HDLBP: variants seen among roughly 807,000 people sequenced by gnomAD.
HDLBP encodes the protein vigilin.
In HDLBP, 30 loss-of-function variants were observed where a neutral mutation model predicts 137.3. The observed-to-expected ratio is 0.22, with a 90% CI of 0.16 to 0.30. The LOEUF (loss-of-function observed/expected upper bound fraction) is 0.30, where lower values mean the gene tolerates loss of function less well. Among genes scored for constraint, HDLBP ranks in the 10% least tolerant of loss-of-function variants. The pLI is 1.00. For missense variants in HDLBP, 1,119 were observed against 1,667.3 expected (o/e 0.67, Z 5.73); for synonymous variants, 606 against 596.0 (o/e 1.02, Z -0.24).
At position 241,292,996 on chromosome 2, in the gene HDLBP, C is replaced by T. The variant is rs192460964; in HGVS notation, c.-103+22574G>A. Among the ~76,000 whole-genome samples the T allele has an allele frequency of 3.7e-4, 56 of 151,796 alleles. No individual in the cohort carries two copies. The East Asian group carries it at 4.7e-3, about 13-fold the overall frequency. On this transcript the variant is annotated intron_variant, in intron 1 of 27. Coordinates refer to ENST00000310931, the MANE Select transcript of HDLBP (RefSeq NM_005336.6). ...CTGCAGTGAGCTGTGCCACTGCACTCGGCCTGGGCAACAAAGCGAGACCCC... is the reference window on the plus strand; with the variant it reads ...CTGCAGTGAGCTGTGCCACTGCACTTGGCCTGGGCAACAAAGCGAGACCCC...
At chr2:241,254,913 C>T in intron 9 of HDLBP, 138 bp downstream of exon 9, 1 of 710,782 alleles carries the variant, frequency 1.4e-6, no homozygotes, top group African/African-American at 1.8e-5. Context: ...TTGACCATGT[C>T]AAACAGGCCA....
chr2:241,313,220 C>T (rs1559563922), intron 1 of HDLBP, among the ~76,000 whole-genome samples: 1 of 152,174 alleles, frequency 6.6e-6, no homozygotes, highest in Non-Finnish European at 1.5e-5. Flanking sequence ...TACTCTTCTA[C>T]AAATAAGTCT....
intron 1 of HDLBP, among the ~76,000 whole-genome samples, chr2:241,307,444 G>T (rs1199473814): frequency 6.6e-6 from 1 of 152,168 alleles, no homozygotes; most frequent in Non-Finnish European, 1.5e-5. Flanking sequence ...ATGGGTAGGG[G>T]CTACACGAAT....
At position 241,272,531 on chromosome 2, in the gene HDLBP, G is replaced by C. The variant is rs1373052064; in HGVS notation, c.-102-3990C>G. The C allele has an allele frequency of 1.0e-5, 10 of 984,594 alleles. No individual in the cohort carries two copies. Among genetic ancestry groups the C allele is most frequent in the Non-Finnish European group, 1.2e-5 (10 of 829,672 alleles). 61.0% of individuals were successfully genotyped at this position (984,594 alleles called of 1,614,324 possible). A position where few individuals can be genotyped will look rare whatever the true frequency, so the allele number is the denominator to read the frequency against. ...CCCCTCCGCGCCACGGCCACGCGCA[G>C]AAGAGACTCGGAGCCGGCCCCAGGT... is the stretch of plus-strand genomic sequence containing the variant. On this transcript the variant is annotated intron_variant, in intron 1 of 27. Coordinates refer to ENST00000310931, the MANE Select transcript of HDLBP (RefSeq NM_005336.6). This position sits in a 1 kb window ranked among gnomAD's most constrained non-coding sequence, Gnocchi z 5.6.
At chr2:241,312,904 C>CA (rs1400494956) in intron 1 of HDLBP, among the ~76,000 whole-genome samples, 1 of 152,198 alleles carries the variant, frequency 6.6e-6, no homozygotes, top group African/African-American at 2.4e-5. Context: ...AGATAAAACT[C>CA]ACTGAAGGGC....
At chr2:241,310,363 C>T (rs537109692) in intron 1 of HDLBP, among the ~76,000 whole-genome samples, 65 of 152,126 alleles carry the variant, frequency 4.3e-4, no homozygotes, top group African/African-American at 1.3e-3. Context: ...TTGTACAGCA[C>T]GGTGAATATA....
chr2:241,280,150 G>C, intron 1 of HDLBP: 1 of 980,552 alleles, frequency 1.0e-6, no homozygotes, highest in Non-Finnish European at 1.2e-6. Context: ...TGAGTGTGGT[G>C]GTCAAAGTCA....
intron 1 of HDLBP, among the ~76,000 whole-genome samples, chr2:241,295,270 C>T (rs919793459): frequency 2.6e-4 from 40 of 152,040 alleles, no homozygotes; most frequent in African/African-American, 9.2e-4. Context: ...TACTAAAAAG[C>T]TAATAGTATA....
chr2:241,242,569 T>A lies in HDLBP; in HGVS notation c.2060A>T (p.His687Leu). The A allele has an allele frequency of 6.2e-7, 1 of 1,614,192 alleles. No homozygotes were observed. Among genetic ancestry groups the A allele is most frequent in the Non-Finnish European group, 8.5e-7 (1 of 1,180,034 alleles). Residue 687 changes from histidine to leucine, a missense_variant, in exon 17 of 28, where the codon CAC becomes CTC. By Grantham distance (99) the His-to-Leu change is moderately conservative. This residue lies in a region of HDLBP where 618 missense variants were observed against 816.7 expected (regional missense o/e 0.76). Transcript: ENST00000310931. ...RSIMEECGGV[H>L]IHFPVEGSGS... is the part of the protein sequence containing the mutation. ...TGAACCTTCCACGGGAAAGTGAATGTGGACCCCGCCGCACTCCTCCATGAT... is the reference window on the plus strand; with the variant it reads ...TGAACCTTCCACGGGAAAGTGAATGAGGACCCCGCCGCACTCCTCCATGAT...
chr2:241,313,072 ACT>A (rs1211609672), intron 1 of HDLBP, among the ~76,000 whole-genome samples: 1 of 151,342 alleles, frequency 6.6e-6, no homozygotes, highest in Non-Finnish European at 1.5e-5. Flanking sequence ...ACCTGGAAAA[ACT>A]CTTACTCGTC....
rs2069391253 is a variant in HDLBP, at chr2:241,228,921, C to T, written c.*680G>A. ...TTGCCTCCAGGCTCCACTCACCAGA[C>T]CTCAGGCTGAGGGTCTGGCAGTGGA... On this transcript the variant is annotated 3_prime_UTR_variant, in exon 28 of 28. Coordinates refer to ENST00000310931, the MANE Select transcript of HDLBP (RefSeq NM_005336.6). 6.5e-6 allele frequency: 1 copy of T among 152,904 alleles called. No homozygotes were observed. The highest frequency in any genetic ancestry group is 1.5e-5 in the Non-Finnish European group (1 of 68,412). The allele number at this position is 152,904 out of a possible 1,614,324, so 9.5% of individuals were successfully genotyped here.
chr2:241,266,921 A>G lies in HDLBP; in HGVS notation c.-37-15T>C. On this transcript the variant is annotated splice_polypyrimidine_tract_variant and intron_variant, in intron 2 of 27. Transcript: ENST00000310931. ...CGGGAAAACCACTAAAGCAAAGAAG[A>G]ATAAATCAGAAGTCAAAGTACAACC... 6.4e-7 allele frequency: 1 copy of G among 1,569,662 alleles called. No individual in the cohort carries two copies. The highest frequency in any genetic ancestry group is 2.2e-5 in the East Asian group (1 of 44,718).
In HDLBP at chr2:241,233,881, G is replaced by C. The variant is rs1482090373; in HGVS notation, c.3227C>G (p.Thr1076Ser). 3 of 1,614,184 alleles carry C rather than the reference G, an allele frequency of 1.9e-6. No individual in the cohort carries two copies. Among genetic ancestry groups the C allele is most frequent in the Non-Finnish European group, 2.5e-6 (3 of 1,180,016 alleles). ...KIIGRKGAVI[T>S]QIRLEHDVNI... is the part of the protein sequence containing the mutation. The stretch of plus-strand genomic sequence containing the variant: ...CACGTCATGCTCCAACCGGATTTGG[G>C]TAATTACTGCCCCCTTTCTCCCGAT... Residue 1076 changes from threonine (T) to serine (S), a missense_variant, in exon 24 of 28, where the codon ACC becomes AGC. Thr to Ser is a moderately conservative substitution (Grantham distance 58, BLOSUM62 1). This residue lies in a region of HDLBP where 618 missense variants were observed against 816.7 expected (regional missense o/e 0.76). Coordinates refer to ENST00000310931, the MANE Select transcript of HDLBP (RefSeq NM_005336.6). The surrounding 1 kb of genome is among the most constrained non-coding windows in gnomAD (Gnocchi z 4.3).
chr2:241,245,254 G>A (rs1285949282), intron 16 of HDLBP, among the ~76,000 whole-genome samples: 1 of 150,972 alleles, frequency 6.6e-6, no homozygotes, highest in Non-Finnish European at 1.5e-5. Context: ...CGCAATCTCA[G>A]CTCACTGCAA....
intron 1 of HDLBP, among the ~76,000 whole-genome samples, chr2:241,309,060 T>C (rs1278686169): frequency 6.6e-6 from 1 of 152,328 alleles, no homozygotes; most frequent in Middle Eastern, 3.4e-3. Context: ...TATAACGCTC[T>C]TCCCCAGATC....
chr2:241,244,823 G>T (rs998886771), intron 16 of HDLBP, among the ~76,000 whole-genome samples: 3 of 151,990 alleles, frequency 2.0e-5, no homozygotes, highest in Admixed American at 6.6e-5. Context: ...TTTTTTAAAG[G>T]TTAATAATGT....
At chr2:241,273,344 C>T (rs1406802765) in intron 1 of HDLBP, 1 of 665,042 alleles carries the variant, frequency 1.5e-6, no homozygotes, top group East Asian at 1.4e-4. Context: ...TGGCAATCAA[C>T]TTAATCTCCC....
intron 4 of HDLBP, among the ~76,000 whole-genome samples, chr2:241,263,913 C>A (rs923766175): frequency 6.6e-6 from 1 of 152,022 alleles, no homozygotes; most frequent in Non-Finnish European, 1.5e-5. Context: ...GAGAAGTGGT[C>A]GACAGAAACA....
rs776524558 is a variant in HDLBP at position 241,249,898 on chromosome 2, C to T, written c.1455G>A (p.Gly485=). Reference sequence around the variant, plus strand: ...TGGCCTGCTGCACGCCCTGTGGGTCCCCCTCGATGCGGATCAAATTGCTCT... The same window carrying T: ...TGGCCTGCTGCACGCCCTGTGGGTCTCCCTCGATGCGGATCAAATTGCTCT... The part of the protein sequence containing the change: ...SEKSNLIRIE[G]DPQGVQQAKR... Residue 485 remains glycine (G), a synonymous_variant, in exon 12 of 28, where the codon GGG becomes GGA. Coordinates refer to ENST00000310931, the MANE Select transcript of HDLBP (RefSeq NM_005336.6). 6.2e-7 allele frequency: 1 copy of T among 1,613,918 alleles called. No individual in the cohort carries two copies. Among genetic ancestry groups the T allele is most frequent in the African/African-American group, 1.3e-5 (1 of 74,928 alleles).
Sources: gnomAD v4.1 joint callset for allele counts (sites outside exome capture counted in the v4.1 genomes callset) on GRCh38, gnomAD v4.1.1 for gene constraint, gnomAD v4.1.1 regional missense constraint, Gnocchi (gnomAD v3.1) non-coding constraint, MANE v1.5 for transcripts, NCBI Gene and HGNC (gene_info 2026-07-23, HGNC 2026-07-21) for gene names.